The following SKAP1 variants were observed in gnomAD, a reference collection of about 807,000 sequenced individuals.
SKAP1 encodes the protein src kinase associated phosphoprotein 1, also known as src kinase-associated phosphoprotein 1.
SKAP1 carries 44 observed loss-of-function variants against 58.5 expected under a neutral mutation model. The observed-to-expected ratio is 0.75, with a 90% CI of 0.59 to 0.97. SKAP1 has a LOEUF of 0.97. SKAP1 is among the 50% of genes least tolerant of loss of function. The pLI, the probability that SKAP1 is intolerant of heterozygous loss-of-function variation, is 0.00. For synonymous variants in SKAP1, 127 were observed against 149.7 expected (o/e 0.85, Z 1.11); for missense variants, 390 against 435.2 (o/e 0.90, Z 0.92).
intron 2 of SKAP1, among the ~76,000 whole-genome samples, chr17:48,386,991 G>A (rs2067286552): frequency 6.6e-6 from 1 of 152,148 alleles, no homozygotes; most frequent in Non-Finnish European, 1.5e-5. Context: ...TTTCACAAGA[G>A]TCTTACTTAT....
Position 48,170,637 on chromosome 17 carries a change from C to T in SKAP1, c.849G>A (p.Glu283=), listed in dbSNP as rs749113353. ...VLPDEEHDLE[E]DESGTRRKGV... ...CTTTTCGTCGAGTGCCACTCTCATCCTCTTCTAGATCATGCTCTTCATCTG... is the reference window on the plus strand; with the variant it reads ...CTTTTCGTCGAGTGCCACTCTCATCTTCTTCTAGATCATGCTCTTCATCTG... Residue 283 remains glutamate, a synonymous_variant, in exon 10 of 13, where the codon GAG becomes GAA. Coordinates refer to ENST00000336915, the MANE Select transcript of SKAP1 (RefSeq NM_003726.4). 6.2e-7 allele frequency: 1 copy of T among 1,613,774 alleles called. No homozygotes were observed. The highest frequency in any genetic ancestry group is 1.7e-5 in the Admixed American group (1 of 60,010).
chr17:48,157,975 C>T (rs889521418), intron 11 of SKAP1, among the ~76,000 whole-genome samples: 2 of 149,296 alleles, frequency 1.3e-5, no homozygotes, highest in Admixed American at 6.6e-5. Context: ...GTCAGGAGTT[C>T]GAGAACAGCC....
At chr17:48,405,414 TTTC>T (rs1370056528) in intron 1 of SKAP1, among the ~76,000 whole-genome samples, 5 of 76,182 alleles carry the variant, frequency 6.6e-5, no homozygotes, top group African/African-American at 2.7e-4. Context: ...TCTTTCTTTC[TTTC>T]TTTCTTTCTT....
At chr17:48,169,500 T>C (rs1294604008) in intron 10 of SKAP1, among the ~76,000 whole-genome samples, 1 of 152,224 alleles carries the variant, frequency 6.6e-6, no homozygotes, top group Non-Finnish European at 1.5e-5. Flanking sequence ...ATGTGTTCAC[T>C]ATCATGAGGT....
chr17:48,223,180 C>G (rs1451983847), intron 4 of SKAP1, among the ~76,000 whole-genome samples: 1 of 151,234 alleles, frequency 6.6e-6, no homozygotes, highest in Non-Finnish European at 1.5e-5. Flanking sequence ...TTTGGAGATG[C>G]TGGCATTCTA....
Position 48,405,433 on chromosome 17 carries a change from C to CT in SKAP1, c.47-8649dup, listed in dbSNP as rs1292031387. Among the ~76,000 whole-genome samples, 4 of 84,202 alleles carry CT rather than the reference C, an allele frequency of 4.8e-5. No individual in the cohort carries two copies. The South Asian group carries it at 1.2e-3, about 25-fold the overall frequency. 55.2% of individuals were successfully genotyped at this position (84,202 alleles called of 152,430 possible). A position where few individuals can be genotyped will look rare whatever the true frequency, so the allele number is the denominator to read the frequency against. On this transcript the variant is annotated intron_variant, in intron 1 of 12. Coordinates refer to ENST00000336915, the MANE Select transcript of SKAP1 (RefSeq NM_003726.4). ...TCTTTCTTTCTTTCTTTCTTTCTTT[C>CT]TTTCTTTCTTTCTTTCTTTTCTTTC...
At chr17:48,145,200 C>T (rs2063813969) in intron 11 of SKAP1, among the ~76,000 whole-genome samples, 1 of 152,146 alleles carries the variant, frequency 6.6e-6, no homozygotes, top group African/African-American at 2.4e-5. Context: ...TCAATACCAA[C>T]CTTGCCCCAC....
chr17:48,371,449 T>C (rs1021298990), intron 2 of SKAP1, among the ~76,000 whole-genome samples: 1 of 151,898 alleles, frequency 6.6e-6, no homozygotes, highest in Non-Finnish European at 1.5e-5. Context: ...CTCAGAGCTT[T>C]ATTCCCTCAG....
intron 1 of SKAP1, among the ~76,000 whole-genome samples, chr17:48,429,872 A>G (rs927980967): frequency 6.6e-5 from 10 of 152,108 alleles, no homozygotes; most frequent in Admixed American, 5.9e-4. Flanking sequence ...AAGGCAAAAG[A>G]AGATGTGGGA....
At chr17:48,304,189 T>C (rs2066103994) in intron 4 of SKAP1, among the ~76,000 whole-genome samples, 1 of 152,198 alleles carries the variant, frequency 6.6e-6, no homozygotes, top group Admixed American at 6.5e-5. Context: ...AAAACACTTA[T>C]TTTATGTAAT....
chr17:48,264,710 G>A (rs539394104), intron 4 of SKAP1, among the ~76,000 whole-genome samples: 1 of 149,322 alleles, frequency 6.7e-6, no homozygotes, highest in African/African-American at 2.5e-5. Context: ...TTTAAATAAA[G>A]CAATACTTAA....
At position 48,219,958 on chromosome 17, in the gene SKAP1, T is replaced by C. The variant is rs116310918; in HGVS notation, c.281-30458A>G. Among the ~76,000 whole-genome samples, 835 of 152,304 alleles carry C rather than the reference T, an allele frequency of 5.5e-3. 10 individuals are homozygous for C. The highest frequency in any genetic ancestry group is 0.019 in the African/African-American group (800 of 41,568). On this transcript the variant is annotated intron_variant, in intron 4 of 12. Coordinates refer to ENST00000336915, the MANE Select transcript of SKAP1 (RefSeq NM_003726.4). ...GGAAAAAAGGATATTTTCAGAGACC[T>C]AATCCCTCCAGGCAGCTGGTTTATT...
intron 3 of SKAP1, among the ~76,000 whole-genome samples, chr17:48,362,821 A>G (rs2066952851): frequency 6.6e-6 from 1 of 152,230 alleles, no homozygotes; most frequent in African/African-American, 2.4e-5. Flanking sequence ...AGGTATTACT[A>G]TTCACTGAGG....
chr17:48,341,244 A>G (rs923683965), intron 4 of SKAP1, among the ~76,000 whole-genome samples: 4 of 152,190 alleles, frequency 2.6e-5, no homozygotes, highest in African/African-American at 9.6e-5. Flanking sequence ...TAACTTTGGC[A>G]CCATGAAATT....
At chr17:48,179,980 A>T (rs1346115451) in intron 9 of SKAP1, 74 bp downstream of exon 9, 8 of 1,389,786 alleles carry the variant, frequency 5.8e-6, no homozygotes, top group Non-Finnish European at 7.8e-6. Flanking sequence ...TGGAATTTTC[A>T]AAGTTATTAT....
chr17:48,303,126 T>C (rs7215843), intron 4 of SKAP1, among the ~76,000 whole-genome samples: 14,103 of 152,128 alleles, frequency 0.093, 1,002 homozygotes, highest in African/African-American at 0.17. Context: ...ACTGAACAGA[T>C]TGTTCTCAAA....
rs558954405 is a variant in SKAP1, at chr17:48,382,106, T to C, written c.152+14574A>G. The stretch of plus-strand genomic sequence containing the variant: ...TAACAGTATCAACCTCACACACCTG[T>C]TGTAAGGAAAGCTCTTGACACTGAG... On this transcript the variant is annotated intron_variant, in intron 2 of 12. Transcript: ENST00000336915. Among the ~76,000 whole-genome samples the C allele has an allele frequency of 4.6e-5, 7 of 151,988 alleles. No homozygotes were observed. The South Asian group carries it at 1.5e-3, about 32-fold the overall frequency.
intron 4 of SKAP1, among the ~76,000 whole-genome samples, chr17:48,287,291 C>G (rs1354592925): frequency 6.6e-6 from 1 of 151,774 alleles, no homozygotes; most frequent in Non-Finnish European, 1.5e-5. Flanking sequence ...ACAAAATTCA[C>G]AATAATAATA....
intron 2 of SKAP1, among the ~76,000 whole-genome samples, chr17:48,395,929 T>C (rs974036911): frequency 4.6e-5 from 7 of 152,166 alleles, no homozygotes; most frequent in African/African-American, 1.7e-4. Context: ...ATCCCAACCA[T>C]AACCCTGCAG....
Sources: allele counts gnomAD v4.1 joint callset (sites outside exome capture counted in the v4.1 genomes callset), GRCh38; gene constraint gnomAD v4.1.1; transcripts MANE v1.5; gene names NCBI Gene and HGNC (gene_info 2026-07-23, HGNC 2026-07-21).